The following DLGAP1 variants were observed in gnomAD, a reference collection of about 807,000 sequenced individuals.
DLGAP1 encodes DLG associated protein 1.
Under a neutral mutation model 90.8 loss-of-function variants are expected in DLGAP1, and 11 were observed. The observed-to-expected ratio is 0.12, with a 90% CI of 0.08 to 0.20. The LOEUF (loss-of-function observed/expected upper bound fraction) is 0.20. Among genes scored for constraint, DLGAP1 ranks in the 10% least tolerant of loss-of-function variants. DLGAP1 has a pLI of 1.00. For missense variants in DLGAP1, 1,050 were observed against 1,333.8 expected (o/e 0.79, Z 3.31); for synonymous variants, 558 against 540.7 (o/e 1.03, Z -0.44).
chr18:4,157,347 T>C (rs8097705), intron 1 of DLGAP1, among the ~76,000 whole-genome samples: 73,296 of 152,080 alleles, frequency 0.48, 19,284 homozygotes, highest in East Asian at 0.7. Context: ...TTCACTCCAG[T>C]GGATCGTAGA....
At chr18:3,834,149 A>G (rs986372402) in intron 4 of DLGAP1, among the ~76,000 whole-genome samples, 1 of 151,896 alleles carries the variant, frequency 6.6e-6, no homozygotes, top group Non-Finnish European at 1.5e-5. Flanking sequence ...TACTAAAAAT[A>G]CAAAAAATTA....
rs112037255 is a variant in DLGAP1 at position 3,685,995 on chromosome 18, G to A, written c.1591+43140C>T. 9.8e-3 allele frequency among the ~76,000 whole-genome samples: 1,494 copies of A among 152,168 alleles called. 14 individuals carry two copies. Among genetic ancestry groups the A allele is most frequent in the African/African-American group, 0.029 (1,209 of 41,534 alleles). On this transcript the variant is annotated intron_variant, in intron 7 of 12. Transcript: ENST00000315677. ...TCGAGACCAGCCTGGCCAACATGAT[G>A]AGAGCCCGTCTCTACTAAAAATACA...
chr18:4,220,626 A>G (rs541415854), intron 1 of DLGAP1, among the ~76,000 whole-genome samples: 5 of 152,236 alleles, frequency 3.3e-5, no homozygotes, highest in African/African-American at 9.6e-5. Flanking sequence ...GCTTGGACAA[A>G]TTCCTTAATG....
intron 10 of DLGAP1, among the ~76,000 whole-genome samples, chr18:3,515,526 C>T (rs1461282264): frequency 6.7e-6 from 1 of 150,358 alleles, no homozygotes. Flanking sequence ...CGCCTGTAAT[C>T]CCAGCACTTT....
intron 5 of DLGAP1, among the ~76,000 whole-genome samples, chr18:3,804,051 T>C (rs866841450): frequency 2.7e-5 from 4 of 148,766 alleles, no homozygotes; most frequent in South Asian, 2.1e-4. Context: ...TAGGGTACAG[T>C]GGCAAGATCT....
intron 6 of DLGAP1, among the ~76,000 whole-genome samples, chr18:3,731,874 C>T (rs1389724187): frequency 6.6e-6 from 1 of 152,110 alleles, no homozygotes; most frequent in Non-Finnish European, 1.5e-5. Context: ...CTTTTCTGGA[C>T]ACCCTAGAAG....
rs1233791331 is a variant in DLGAP1 at position 3,657,479 on chromosome 18, T to C, written c.1591+71656A>G. On this transcript the variant is annotated intron_variant, in intron 7 of 12. Coordinates refer to ENST00000315677, the MANE Select transcript of DLGAP1 (RefSeq NM_004746.4). ...AGGGGAGGAAGTATGCATATACATG[T>C]CCATATGTTTATTATAAATTTTGCT... Among the ~76,000 whole-genome samples the C allele has an allele frequency of 2.6e-5, 4 of 152,314 alleles. No individual in the cohort carries two copies. The East Asian group carries it at 5.8e-4, about 22-fold the overall frequency.
At chr18:3,976,949 A>C (rs1461225179) in intron 3 of DLGAP1, among the ~76,000 whole-genome samples, 1 of 152,218 alleles carries the variant, frequency 6.6e-6, no homozygotes, top group Non-Finnish European at 1.5e-5. Flanking sequence ...ATTACAGGTA[A>C]GGTTAAATTG....
chr18:4,023,170 G>A (rs578094564), intron 2 of DLGAP1, among the ~76,000 whole-genome samples: 17 of 152,336 alleles, frequency 1.1e-4, no homozygotes, highest in African/African-American at 3.8e-4. Context: ...TTTTGAAAGA[G>A]TTTGGGCATC....
chr18:4,362,917 G>A (rs956520241), intron 1 of DLGAP1, among the ~76,000 whole-genome samples: 2 of 152,104 alleles, frequency 1.3e-5, no homozygotes, highest in Admixed American at 6.6e-5. Context: ...AAAAACAGCA[G>A]TTTCACTGCT....
intron 1 of DLGAP1, among the ~76,000 whole-genome samples, chr18:4,306,031 AAT>A (rs1158531646): frequency 4.0e-5 from 1 of 25,186 alleles, no homozygotes; most frequent in African/African-American, 1.1e-4. Flanking sequence ...GACACACACA[AAT>A]ACACACACAC....
intron 9 of DLGAP1, among the ~76,000 whole-genome samples, chr18:3,550,027 C>G (rs958442894): frequency 6.6e-6 from 1 of 152,156 alleles, no homozygotes; most frequent in Admixed American, 6.5e-5. Context: ...GATTTTCCTG[C>G]CTCATCCTCC....
At position 3,746,363 on chromosome 18, in the gene DLGAP1, G is replaced by A. The variant is rs1420595535; in HGVS notation, c.1173-3851C>T. Among the ~76,000 whole-genome samples the A allele has an allele frequency of 3.9e-5, 6 of 151,920 alleles. No individual in the cohort carries two copies. The East Asian group carries it at 9.6e-4, about 24-fold the overall frequency. ...AAAAACCTATAAAGCCTTATGGAAGGCAATAAAGAAGGCCTAAAGAAATGC... is the reference window on the plus strand; with the variant it reads ...AAAAACCTATAAAGCCTTATGGAAGACAATAAAGAAGGCCTAAAGAAATGC... On this transcript the variant is annotated intron_variant, in intron 5 of 12. Coordinates refer to ENST00000315677, the MANE Select transcript of DLGAP1 (RefSeq NM_004746.4).
At chr18:4,405,053 G>C (rs2082634426) in intron 1 of DLGAP1, among the ~76,000 whole-genome samples, 1 of 152,146 alleles carries the variant, frequency 6.6e-6, no homozygotes, top group Non-Finnish European at 1.5e-5. Context: ...AACTACTTAA[G>C]TTTAAGTACA....
rs200155937 is a variant in DLGAP1 at position 3,729,277 on chromosome 18, C to T, written c.1449G>A (p.Met483Ile). Residue 483 changes from methionine to isoleucine, a missense_variant, in exon 7 of 13, where the codon ATG becomes ATA. By Grantham distance (10) the Met-to-Ile change is conservative. Around this residue, in one of 2 missense-constraint regions of DLGAP1, gnomAD observed 565 missense variants for 879.7 expected, o/e 0.64. Transcript: ENST00000315677. This position sits in a 1 kb window ranked among gnomAD's most constrained non-coding sequence, Gnocchi z 6.2. ...SQAVEALDLP[M>I]PGCFRMRSHS... is the part of the protein sequence containing the mutation. ...GGCTCCGCATGCGGAAGCAGCCGGG[C>T]ATGGGCAGGTCCAGCGCTTCCACGG... 6.2e-6 allele frequency: 10 copies of T among 1,614,126 alleles called. No individual in the cohort carries two copies. The African/African-American group carries it at 8.0e-5, about 13-fold the overall frequency.
chr18:3,729,039 G>C lies in DLGAP1; in HGVS notation c.1591+96C>G, dbSNP rs1037396077. ...GGACATGGGTGGTATCTTGTTCCTG[G>C]CAACTATGTGTGTTGACAGCAAGGG... On this transcript the variant is annotated intron_variant, in intron 7 of 12. Coordinates refer to ENST00000315677, the MANE Select transcript of DLGAP1 (RefSeq NM_004746.4). The surrounding 1 kb of genome is among the most constrained non-coding windows in gnomAD (Gnocchi z 6.2). The C allele has an allele frequency of 6.7e-7, 1 of 1,484,096 alleles. No homozygotes were observed. Among genetic ancestry groups the C allele is most frequent in the African/African-American group, 1.4e-5 (1 of 72,104 alleles). The allele number at this position is 1,484,096 out of a possible 1,614,324, so 91.9% of individuals were successfully genotyped here. A position where few individuals can be genotyped will look rare whatever the true frequency, so the allele number is the denominator to read the frequency against.
chr18:3,972,405 C>G (rs1212980260), intron 3 of DLGAP1, among the ~76,000 whole-genome samples: 2 of 151,952 alleles, frequency 1.3e-5, no homozygotes, highest in African/African-American at 2.4e-5. Context: ...ATAACTCTCC[C>G]TAGTCCTCTG....
intron 3 of DLGAP1, among the ~76,000 whole-genome samples, chr18:3,912,229 C>T (rs1169876251): frequency 6.6e-6 from 1 of 152,152 alleles, no homozygotes; most frequent in African/African-American, 2.4e-5. Flanking sequence ...TAATGCTTTA[C>T]CTCATATGTT....
intron 1 of DLGAP1, among the ~76,000 whole-genome samples, chr18:4,285,115 A>G (rs1248013369): frequency 6.6e-6 from 1 of 152,172 alleles, no homozygotes; most frequent in Non-Finnish European, 1.5e-5. Context: ...GGCAATCCCT[A>G]TATATCCTGT....
Sources: allele counts gnomAD v4.1 joint callset (sites outside exome capture counted in the v4.1 genomes callset), GRCh38; gene constraint gnomAD v4.1.1; regional missense constraint gnomAD v4.1.1; non-coding constraint Gnocchi (gnomAD v3.1); transcripts MANE v1.5; gene names NCBI Gene and HGNC (gene_info 2026-07-23, HGNC 2026-07-21).